The following ACAN variants were observed in gnomAD, a reference collection of about 807,000 sequenced individuals.
The protein encoded by ACAN is aggrecan core protein.
ACAN carries 47 observed loss-of-function variants against 169.1 expected under a neutral mutation model. That is an observed-to-expected ratio of 0.28 (90% CI 0.22 to 0.35). The LOEUF is 0.35. Among genes scored for constraint, ACAN ranks in the 10% least tolerant of loss-of-function variants. ACAN has a pLI of 1.00. For missense variants in ACAN, 2,716 were observed against 2,759.9 expected (o/e 0.98, Z 0.36); for synonymous variants, 1,115 against 1,112.2 (o/e 1.00, Z -0.05).
Position 88,858,904 on chromosome 15 carries a change from C to T in ACAN, c.6319C>T (p.Pro2107Ser). 2.5e-6 allele frequency: 4 copies of T among 1,609,024 alleles called. No individual in the cohort carries two copies. The South Asian group carries it at 3.3e-5, about 13-fold the overall frequency. ...PESSSETSAYPEAGFGASAAP... is the reference protein window; with the variant it reads ...PESSSETSAYSEAGFGASAAP... Reference sequence around the variant, plus strand: ...ATCTAGCAGTGAGACGTCCGCCTATCCTGAAGCTGGGTTCGGGGCATCTGC... The same window carrying T: ...ATCTAGCAGTGAGACGTCCGCCTATTCTGAAGCTGGGTTCGGGGCATCTGC... The change falls in exon 12 of 19, where the codon CCT becomes TCT. Residue 2107 changes from proline to serine, a missense_variant. Around this residue, in one of 3 missense-constraint regions of ACAN, gnomAD observed 1,389 missense variants for 1,363.7 expected, o/e 1.02. Coordinates refer to ENST00000560601, the MANE Select transcript of ACAN (RefSeq NM_001369268.1). This position sits in a 1 kb window ranked among gnomAD's most constrained non-coding sequence, Gnocchi z 4.0.
chr15:88,843,221 C>G lies in ACAN; in HGVS notation c.758-134C>G. 1 of 713,670 alleles carries G rather than the reference C, an allele frequency of 1.4e-6. No individual in the cohort carries two copies. 44.2% of individuals were successfully genotyped at this position (713,670 alleles called of 1,614,324 possible). ...GCAATGAAGGGCAAGATCTGAGATG[C>G]AGACATATGGGACCAGGACTTTGGG... On this transcript the variant is annotated intron_variant, in intron 5 of 18. Transcript: ENST00000560601. This position sits in a 1 kb window ranked among gnomAD's most constrained non-coding sequence, Gnocchi z 4.0.
intron 1 of ACAN, among the ~76,000 whole-genome samples, chr15:88,817,459 T>A (rs1027164253): frequency 2.6e-5 from 4 of 151,986 alleles, no homozygotes; most frequent in Non-Finnish European, 5.9e-5. Context: ...GATTTTTTTT[T>A]AAAGGATATA....
Position 88,860,354 on chromosome 15 carries a change from C to A in ACAN, c.6861C>A (p.Pro2287=). The stretch of plus-strand genomic sequence containing the variant: ...CCGCCAGGTCCTGTGCAGAGGAGCC[C>A]TGTGGAGCTGGGACCTGCAAGGAGA... ...AAPARSCAEE[P]CGAGTCKETE... is the part of the protein sequence containing the mutation. The change falls in exon 13 of 19, where the codon CCC becomes CCA. Residue 2287 remains proline, a synonymous_variant. Coordinates refer to ENST00000560601, the MANE Select transcript of ACAN (RefSeq NM_001369268.1). 1 of 1,613,128 alleles carries A rather than the reference C, an allele frequency of 6.2e-7. No homozygotes were observed. Among genetic ancestry groups the A allele is most frequent in the Non-Finnish European group, 8.5e-7 (1 of 1,179,694 alleles).
At chr15:88,834,363 G>T (rs1896445443) in intron 1 of ACAN, among the ~76,000 whole-genome samples, 2 of 152,186 alleles carry the variant, frequency 1.3e-5, no homozygotes, top group South Asian at 4.1e-4. Flanking sequence ...GGAGTCCTGG[G>T]CCCACCCTGC....
At chr15:88,821,735 C>G (rs1896081073) in intron 1 of ACAN, among the ~76,000 whole-genome samples, 1 of 152,176 alleles carries the variant, frequency 6.6e-6, no homozygotes, top group Non-Finnish European at 1.5e-5. Flanking sequence ...TCACTGTCCA[C>G]TCAGCCAACA....
chr15:88,833,830 C>T (rs1238566333), intron 1 of ACAN, among the ~76,000 whole-genome samples: 1 of 150,744 alleles, frequency 6.6e-6, no homozygotes, highest in South Asian at 2.1e-4. Flanking sequence ...TCCTACACCC[C>T]CGGACAATGT....
rs1473641016 is a variant in ACAN at position 88,868,832 on chromosome 15, T to C, written c.7060+503T>C. 6.6e-6 allele frequency among the ~76,000 whole-genome samples: 1 copy of C among 152,210 alleles called. No homozygotes were observed. Among genetic ancestry groups the C allele is most frequent in the Non-Finnish European group, 1.5e-5 (1 of 68,032 alleles). On this transcript the variant is annotated intron_variant, in intron 14 of 18. Coordinates refer to ENST00000560601, the MANE Select transcript of ACAN (RefSeq NM_001369268.1). The surrounding 1 kb of genome is among the most constrained non-coding windows in gnomAD (Gnocchi z 5.2). ...AGCTGTGGTTGGTCTGCCTGAGATC[T>C]CCCGTGTCATCAGCATGCTCAAGTC...
chr15:88,851,997 C>A lies in ACAN; in HGVS notation c.2230C>A (p.Pro744Thr). Residue 744 changes from proline (P) to threonine (T), a missense_variant, in exon 11 of 19, where the codon CCA becomes ACA. Physicochemically the swap from Pro to Thr is conservative, Grantham distance 38. Around this residue, in one of 3 missense-constraint regions of ACAN, gnomAD observed 1,283 missense variants for 1,281.5 expected, o/e 1.00. Coordinates refer to ENST00000560601, the MANE Select transcript of ACAN (RefSeq NM_001369268.1). The surrounding 1 kb of genome is among the most constrained non-coding windows in gnomAD (Gnocchi z 4.3). ...TEPENQTEWE[P>T]AYTPVGTSPL... ...GCCAGAAAACCAGACAGAATGGGAACCAGCCTATACCCCAGTGGGCACATC... is the reference window on the plus strand; with the variant it reads ...GCCAGAAAACCAGACAGAATGGGAAACAGCCTATACCCCAGTGGGCACATC... 6.2e-7 allele frequency: 1 copy of A among 1,610,224 alleles called. No individual in the cohort carries two copies. The highest frequency in any genetic ancestry group is 1.1e-5 in the South Asian group (1 of 90,248).
At chr15:88,852,348 C>T (rs540428256) in intron 11 of ACAN, among the ~76,000 whole-genome samples, 1 of 152,316 alleles carries the variant, frequency 6.6e-6, no homozygotes, top group East Asian at 1.9e-4. Context: ...TTACCTTGTC[C>T]TCCTGCACTG....
chr15:88,833,416 C>T (rs1395580176), intron 1 of ACAN, among the ~76,000 whole-genome samples: 1 of 152,164 alleles, frequency 6.6e-6, no homozygotes, highest in African/African-American at 2.4e-5. Context: ...CGTCCCCTTC[C>T]TCTGCCTCAC....
chr15:88,855,050 A>G lies in ACAN; in HGVS notation c.2465A>G (p.Glu822Gly), dbSNP rs777838943. The G allele has an allele frequency of 1.3e-6, 2 of 1,589,980 alleles. No homozygotes were observed. Among genetic ancestry groups the G allele is most frequent in the Admixed American group, 3.6e-5 (2 of 55,916 alleles). Residue 822 changes from glutamate to glycine, a missense_variant, in exon 12 of 19, where the codon GAG becomes GGG. By Grantham distance (98) the Glu-to-Gly change is moderately conservative. This residue lies in a region of ACAN where 1,283 missense variants were observed against 1,281.5 expected (regional missense o/e 1.00). Transcript: ENST00000560601. ...TCAGTGGAGCTGTTCCCCTCAGAGG[A>G]GCCATTCCCCTCCAAGGAGCCATCC... ...FPSVELFPSE[E>G]PFPSKEPSPS...
rs16942320 is a variant in ACAN, at chr15:88,840,432, C to T, written c.629+246C>T. Among the ~76,000 whole-genome samples the T allele has an allele frequency of 0.11, 16,065 of 152,254 alleles. 1,020 individuals carry two copies. Among genetic ancestry groups the T allele is most frequent in the Admixed American group, 0.2 (2,997 of 15,300 alleles). ...CTGCTAGCAACCTTGCCCTACATGT[C>T]ATTATTTTTCCTACCCATTTTTTTC... On this transcript the variant is annotated intron_variant, in intron 4 of 18. Transcript: ENST00000560601.
chr15:88,828,311 C>G (rs540539683), intron 1 of ACAN, among the ~76,000 whole-genome samples: 2 of 152,248 alleles, frequency 1.3e-5, no homozygotes, highest in South Asian at 4.2e-4. Flanking sequence ...GGGATAAGAC[C>G]CATGCCACAT....
At position 88,814,923 on chromosome 15, in the gene ACAN, A is replaced by G. The variant is rs1403205090; in HGVS notation, c.-8+11114A>G. Among the ~76,000 whole-genome samples, 2 of 151,884 alleles carry G rather than the reference A, an allele frequency of 1.3e-5. No individual in the cohort carries two copies. The highest frequency in any genetic ancestry group is 2.9e-5 in the Non-Finnish European group (2 of 68,004). ...GGGACTAGGGAGTGGGGAATCCTAA[A>G]TGTACCAGAAGAACCTTTGGTGGTT... On this transcript the variant is annotated intron_variant, in intron 1 of 18. Coordinates refer to ENST00000560601, the MANE Select transcript of ACAN (RefSeq NM_001369268.1). This position sits in a 1 kb window ranked among gnomAD's most constrained non-coding sequence, Gnocchi z 4.0.
In ACAN at chr15:88,814,274, CA is replaced by C. The variant is rs1346114539; in HGVS notation, c.-8+10467del. Among the ~76,000 whole-genome samples the C allele has an allele frequency of 2.0e-5, 3 of 152,222 alleles. No individual in the cohort carries two copies. Among genetic ancestry groups the C allele is most frequent in the Non-Finnish European group, 4.4e-5 (3 of 68,036 alleles). On this transcript the variant is annotated intron_variant, in intron 1 of 18. Coordinates refer to ENST00000560601, the MANE Select transcript of ACAN (RefSeq NM_001369268.1). This position sits in a 1 kb window ranked among gnomAD's most constrained non-coding sequence, Gnocchi z 4.0. ...CTAAACCACAGTACCTCCCACAGAG[CA>C]AGGGCTCTCAAAACAGTAACTGCTG...
At position 88,854,879 on chromosome 15, in the gene ACAN, G is replaced by C; in HGVS notation, c.2294G>C (p.Gly765Ala). 1 of 1,508,476 alleles carries C rather than the reference G, an allele frequency of 6.6e-7. No homozygotes were observed. Among genetic ancestry groups the C allele is most frequent in the East Asian group, 2.3e-5 (1 of 42,690 alleles). 93.4% of individuals were successfully genotyped at this position (1,508,476 alleles called of 1,614,324 possible). A position where few individuals can be genotyped will look rare whatever the true frequency, so the allele number is the denominator to read the frequency against. ...PGILPTWPPT[G>A]AATEESTEGP... ...ATCCTTCCTACTTGGCCTCCCACTG[G>C]CGCAGCAACAGAGGAAAGTACAGAA... Residue 765 changes from glycine to alanine, a missense_variant, in exon 12 of 19, where the codon GGC (glycine) becomes GCC (alanine). Coordinates refer to ENST00000560601, the MANE Select transcript of ACAN (RefSeq NM_001369268.1).
chr15:88,844,836 A>G (rs1334811897), intron 6 of ACAN, among the ~76,000 whole-genome samples: 1 of 152,234 alleles, frequency 6.6e-6, no homozygotes, highest in African/African-American at 2.4e-5. Context: ...CCTCACATGA[A>G]TGAGGAGTTG....
intron 1 of ACAN, among the ~76,000 whole-genome samples, chr15:88,819,851 G>A (rs969448356): frequency 1.3e-5 from 2 of 152,034 alleles, no homozygotes; most frequent in South Asian, 2.1e-4. Context: ...ACCTCCAAGG[G>A]GTACTATCTT....
At chr15:88,821,099 C>T (rs547180363) in intron 1 of ACAN, among the ~76,000 whole-genome samples, 1 of 152,136 alleles carries the variant, frequency 6.6e-6, no homozygotes, top group South Asian at 2.1e-4. Flanking sequence ...TCCCATGATT[C>T]GATTACCTCC....
Sources: allele counts gnomAD v4.1 joint callset (sites outside exome capture counted in the v4.1 genomes callset), GRCh38; gene constraint gnomAD v4.1.1; regional missense constraint gnomAD v4.1.1; non-coding constraint Gnocchi (gnomAD v3.1); transcripts MANE v1.5; gene names NCBI Gene and HGNC (gene_info 2026-07-23, HGNC 2026-07-21).